Variants in PTPRG observed in about 807,000 individuals in gnomAD.
PTPRG encodes receptor-type tyrosine-protein phosphatase gamma.
In PTPRG, 102 loss-of-function variants were observed where a neutral mutation model predicts 165.3. The ratio of observed to expected loss-of-function variants is 0.62; its 90% CI spans 0.53 to 0.73. The LOEUF is 0.73. Among genes scored for constraint, PTPRG ranks in the 30% least tolerant of loss-of-function variants. The probability of loss-of-function intolerance (pLI) is 0.00; values close to 1 mark genes in which losing one functional copy is unlikely to be tolerated. For missense variants in PTPRG, 1,866 were observed against 1,861.4 expected (o/e 1.00, Z -0.05); for synonymous variants, 675 against 669.5 (o/e 1.01, Z -0.13).
chr3:61,856,006 C>T (rs549488763), intron 2 of PTPRG, among the ~76,000 whole-genome samples: 21 of 152,208 alleles, frequency 1.4e-4, no homozygotes, highest in Non-Finnish European at 2.5e-4. Flanking sequence ...AAGAACTTTC[C>T]CTTCCTCCCA....
intron 2 of PTPRG, among the ~76,000 whole-genome samples, chr3:61,810,540 C>T (rs1204663101): frequency 6.6e-6 from 1 of 152,156 alleles, no homozygotes; most frequent in African/African-American, 2.4e-5. Flanking sequence ...TTTATCTGCT[C>T]CATAGGCATA....
At chr3:61,633,025 A>C (rs1701811474) in intron 1 of PTPRG, among the ~76,000 whole-genome samples, 1 of 152,060 alleles carries the variant, frequency 6.6e-6, no homozygotes, top group Non-Finnish European at 1.5e-5. Context: ...AGTCATCCCC[A>C]CCATCCTTCT....
intron 3 of PTPRG, among the ~76,000 whole-genome samples, chr3:61,990,777 C>T (rs1320626736): frequency 6.6e-6 from 1 of 152,046 alleles, no homozygotes; most frequent in Non-Finnish European, 1.5e-5. Flanking sequence ...CCAAGGATGT[C>T]ACTGTGAACC....
intron 2 of PTPRG, among the ~76,000 whole-genome samples, chr3:61,790,312 C>A (rs1311985864): frequency 6.6e-6 from 1 of 152,220 alleles, no homozygotes; most frequent in East Asian, 1.9e-4. Context: ...TCTGTCCCTT[C>A]CTTAAGCACA....
intron 4 of PTPRG, among the ~76,000 whole-genome samples, chr3:62,063,677 A>AT (rs889771046): frequency 4.6e-5 from 7 of 152,200 alleles, no homozygotes; most frequent in South Asian, 2.1e-4. Context: ...ATTTATTTAT[A>AT]TTTTTTGTAG....
intron 5 of PTPRG, among the ~76,000 whole-genome samples, chr3:62,117,653 T>C (rs1160767539): frequency 1.3e-5 from 2 of 152,216 alleles, no homozygotes; most frequent in African/African-American, 4.8e-5. Context: ...GGGTTTCCTA[T>C]TGCAGTATAT....
intron 24 of PTPRG, 101 bp downstream of exon 24, chr3:62,276,067 T>G: frequency 1.2e-6 from 1 of 836,004 alleles, no homozygotes; most frequent in South Asian, 1.8e-5. Flanking sequence ...ACCCTTCAAT[T>G]GTACTGTACG....
At chr3:61,827,070 T>A (rs900288174) in intron 2 of PTPRG, among the ~76,000 whole-genome samples, 1 of 152,160 alleles carries the variant, frequency 6.6e-6, no homozygotes, top group African/African-American at 2.4e-5. Context: ...TTGCCTTTAG[T>A]TGGAATCTTT....
intron 2 of PTPRG, among the ~76,000 whole-genome samples, chr3:61,949,115 A>G (rs1293054125): frequency 6.6e-6 from 1 of 152,102 alleles, no homozygotes; most frequent in Admixed American, 6.5e-5. Context: ...GGTCTTGCCA[A>G]CGGCCTGGTT....
chr3:62,017,031 C>T (rs2041562586), intron 4 of PTPRG, among the ~76,000 whole-genome samples: 1 of 152,150 alleles, frequency 6.6e-6, no homozygotes, highest in Non-Finnish European at 1.5e-5. Flanking sequence ...CTCCCCCTCC[C>T]TCACCCCCGT....
chr3:61,842,076 T>G (rs975226083), intron 2 of PTPRG, among the ~76,000 whole-genome samples: 7 of 152,194 alleles, frequency 4.6e-5, no homozygotes, highest in Non-Finnish European at 8.8e-5. Flanking sequence ...ATTTCTAGTT[T>G]TATTTAATAA....
chr3:62,169,386 A>ATTATTTT (rs1212325672), intron 8 of PTPRG, among the ~76,000 whole-genome samples: 3 of 152,260 alleles, frequency 2.0e-5, no homozygotes, highest in Non-Finnish European at 4.4e-5. Context: ...TCACTTGCTT[A>ATTATTTT]TTATTTTTTT....
At chr3:61,784,788 G>A (rs2034645962) in intron 2 of PTPRG, among the ~76,000 whole-genome samples, 5 of 152,230 alleles carry the variant, frequency 3.3e-5, no homozygotes, top group Admixed American at 2.6e-4. Flanking sequence ...AATTTAGTAT[G>A]CATATCCTTG....
At chr3:61,995,426 T>C (rs2041007959) in intron 3 of PTPRG, among the ~76,000 whole-genome samples, 1 of 152,146 alleles carries the variant, frequency 6.6e-6, no homozygotes, top group South Asian at 2.1e-4. Flanking sequence ...TCATGATGTC[T>C]GATTTCCCTC....
chr3:61,785,910 C>T (rs185855191), intron 2 of PTPRG, among the ~76,000 whole-genome samples: 3 of 152,248 alleles, frequency 2.0e-5, no homozygotes, highest in Admixed American at 1.3e-4. Context: ...CCACTTCTCT[C>T]CTGTTTGTTC....
intron 8 of PTPRG, among the ~76,000 whole-genome samples, chr3:62,173,227 T>C (rs1389599606): frequency 1.3e-5 from 2 of 152,210 alleles, no homozygotes; most frequent in African/African-American, 2.4e-5. Context: ...CTGTTTTTTA[T>C]TGTTATATTG....
intron 6 of PTPRG, among the ~76,000 whole-genome samples, chr3:62,155,865 T>A (rs1452015363): frequency 6.6e-6 from 1 of 152,080 alleles, no homozygotes; most frequent in African/African-American, 2.4e-5. Context: ...CTCAGGTGTG[T>A]CTATGAGGTC....
chr3:61,702,352 C>T (rs1390465565), intron 1 of PTPRG, among the ~76,000 whole-genome samples: 1 of 152,182 alleles, frequency 6.6e-6, no homozygotes, highest in East Asian at 1.9e-4. Context: ...AATATTGACC[C>T]TAACATGCTG....
chr3:62,086,337 G>C (rs1408716434), intron 5 of PTPRG, among the ~76,000 whole-genome samples: 2 of 150,586 alleles, frequency 1.3e-5, no homozygotes, highest in Admixed American at 1.3e-4. Flanking sequence ...TTTAACTCTG[G>C]AGAGAGAGAG....
Sources: gnomAD v4.1 joint callset for allele counts (sites outside exome capture counted in the v4.1 genomes callset) on GRCh38, gnomAD v4.1.1 for gene constraint, MANE v1.5 for transcripts, NCBI Gene and HGNC (gene_info 2026-07-23, HGNC 2026-07-21) for gene names.